PTPRJ: variants seen among roughly 807,000 people sequenced by gnomAD.
The protein encoded by PTPRJ is protein tyrosine phosphatase receptor type J.
Under a neutral mutation model 141.3 loss-of-function variants are expected in PTPRJ, and 129 were observed. The observed-to-expected ratio is 0.91, with a 90% confidence interval of 0.79 to 1.06. The LOEUF is 1.06. Among genes scored for constraint, PTPRJ ranks in the 50% least tolerant of loss-of-function variants. The pLI, the probability that PTPRJ is intolerant of heterozygous loss-of-function variation, is 0.00. For missense variants in PTPRJ, 1,601 were observed against 1,679.7 expected (o/e 0.95, Z 0.82); for synonymous variants, 610 against 640.5 (o/e 0.95, Z 0.72).
chr11:48,057,980 C>T (rs747739117), intron 1 of PTPRJ, among the ~76,000 whole-genome samples: 24 of 151,840 alleles, frequency 1.6e-4, no homozygotes, highest in Admixed American at 3.9e-4. Context: ...GGCACGATCT[C>T]GGCTCGCTGC....
At chr11:48,034,825 A>C (rs184220097) in intron 1 of PTPRJ, among the ~76,000 whole-genome samples, 1 of 152,352 alleles carries the variant, frequency 6.6e-6, no homozygotes, top group East Asian at 1.9e-4. Flanking sequence ...ACTGAAGAAC[A>C]ATGGCGATGG....
At chr11:48,046,295 G>A (rs1204028287) in intron 1 of PTPRJ, 3 of 152,170 alleles carry the variant, frequency 2.0e-5, no homozygotes, top group African/African-American at 7.2e-5. Context: ...AGATCCTCTT[G>A]TCTCCAAATC....
intron 8 of PTPRJ, chr11:48,131,689 G>A (rs1403912938): frequency 1.9e-6 from 1 of 530,580 alleles, no homozygotes; most frequent in Non-Finnish European, 3.4e-6. Flanking sequence ...ATTGAGTAGT[G>A]GCAGCAGAGA....
intron 1 of PTPRJ, among the ~76,000 whole-genome samples, chr11:48,043,635 T>C (rs1854321613): frequency 6.6e-6 from 1 of 152,150 alleles, no homozygotes; most frequent in Non-Finnish European, 1.5e-5. Context: ...CTTTTTTTCC[T>C]TTTGTTCCTT....
intron 1 of PTPRJ, among the ~76,000 whole-genome samples, chr11:47,994,844 G>A (rs1681626): frequency 0.054 from 8,170 of 152,124 alleles, 700 homozygotes; most frequent in African/African-American, 0.18. Flanking sequence ...ATTATGGACT[G>A]GATACCACAT....
chr11:48,150,363 C>T (rs1320161006), intron 18 of PTPRJ, among the ~76,000 whole-genome samples, 180 bp downstream of exon 18: 2 of 152,140 alleles, frequency 1.3e-5, no homozygotes, highest in African/African-American at 4.8e-5. Context: ...TACTCACAGA[C>T]AATAGTGGCT....
chr11:48,007,684 A>G (rs1854660740), intron 1 of PTPRJ, among the ~76,000 whole-genome samples: 1 of 152,202 alleles, frequency 6.6e-6, no homozygotes, highest in East Asian at 1.9e-4. Flanking sequence ...GGTGTGAGCC[A>G]CTGCACCCGG....
chr11:48,139,012 A>G lies in PTPRJ; in HGVS notation c.2153-474A>G, dbSNP rs185893728. 2.7e-3 allele frequency among the ~76,000 whole-genome samples: 414 copies of G among 152,318 alleles called. 1 individual carries two copies. The highest frequency in any genetic ancestry group is 9.5e-3 in the African/African-American group (394 of 41,582). ...ACTGGGTATGGTGGTGCATGCCTGT[A>G]GTCCCAGCGACTTGGGAGGCTGACA... On this transcript the variant is annotated intron_variant, in intron 10 of 24. Transcript: ENST00000418331.
chr11:48,054,170 G>A (rs952631700), intron 1 of PTPRJ, among the ~76,000 whole-genome samples: 6 of 152,052 alleles, frequency 3.9e-5, no homozygotes, highest in African/African-American at 1.4e-4. Flanking sequence ...CTGACCTCAG[G>A]TGATTTGCCC....
At chr11:47,981,555 C>T (rs1039395805) in intron 1 of PTPRJ, among the ~76,000 whole-genome samples, 1 of 152,214 alleles carries the variant, frequency 6.6e-6, no homozygotes, top group Non-Finnish European at 1.5e-5. Context: ...GGGAAAGTTC[C>T]CAGGCCGGGG....
At chr11:48,123,482 A>G in intron 4 of PTPRJ, 131 bp from the exon 5 acceptor site, 1 of 877,292 alleles carries the variant, frequency 1.1e-6, no homozygotes, top group Non-Finnish European at 1.7e-6. Context: ...TCACATTGGG[A>G]CATCAGTGAC....
chr11:48,025,441 CT>C (rs1475068008), intron 1 of PTPRJ, among the ~76,000 whole-genome samples: 3 of 152,172 alleles, frequency 2.0e-5, no homozygotes, highest in Non-Finnish European at 4.4e-5. Flanking sequence ...GTAGGCAGGG[CT>C]GGTGTATGCC....
chr11:48,132,533 A>G (rs964972259), intron 8 of PTPRJ: 1 of 981,264 alleles, frequency 1.0e-6, no homozygotes, highest in Non-Finnish European at 1.2e-6. Flanking sequence ...TCCTTGATCT[A>G]AGATTCAAGA....
chr11:48,136,934 A>G, intron 9 of PTPRJ, 69 bp from the exon 10 acceptor site: 1 of 1,415,378 alleles, frequency 7.1e-7, no homozygotes, highest in Non-Finnish European at 9.7e-7. Flanking sequence ...ATTTTTGGAT[A>G]TAGTAAATAG....
At chr11:48,004,350 T>C (rs568236081) in intron 1 of PTPRJ, among the ~76,000 whole-genome samples, 1 of 152,304 alleles carries the variant, frequency 6.6e-6, no homozygotes, top group Non-Finnish European at 1.5e-5. Flanking sequence ...TACTTGTAAA[T>C]TGGGTTGATA....
intron 24 of PTPRJ, 25 bp downstream of exon 24, chr11:48,164,540 A>G (rs750664399): frequency 9.0e-6 from 13 of 1,444,064 alleles, no homozygotes; most frequent in Non-Finnish European, 1.2e-5. Flanking sequence ...TGTATTTGAC[A>G]TTCCACCCTT....
chr11:48,115,652 A>G (rs748027849), intron 3 of PTPRJ, among the ~76,000 whole-genome samples: 47 of 152,264 alleles, frequency 3.1e-4, no homozygotes, highest in Non-Finnish European at 1.2e-4. Flanking sequence ...TTCAGAATAC[A>G]TGAATACTGT....
chr11:48,112,184 A>T (rs145420727), intron 2 of PTPRJ, among the ~76,000 whole-genome samples: 1 of 152,304 alleles, frequency 6.6e-6, no homozygotes, highest in Non-Finnish European at 1.5e-5. Flanking sequence ...CACTTGCTAG[A>T]AGTCAGACAG....
chr11:48,164,516 G>T lies in PTPRJ; in HGVS notation c.3855+1G>T. 6.2e-7 allele frequency: 1 copy of T among 1,608,978 alleles called. No individual in the cohort carries two copies. The highest frequency in any genetic ancestry group is 8.5e-7 in the Non-Finnish European group (1 of 1,177,780). On this transcript the variant is annotated splice_donor_variant, in intron 24 of 24. Transcript: ENST00000418331. LOFTEE classifies it high-confidence loss of function. The stretch of plus-strand genomic sequence containing the variant: ...TAGGCCTTTAATGGTGCAGACAGAG[G>T]TGAGGCCAAGATCTGTATTTGACAT...
Sources: gnomAD v4.1 joint callset for allele counts (sites outside exome capture counted in the v4.1 genomes callset) on GRCh38, gnomAD v4.1.1 for gene constraint, MANE v1.5 for transcripts, NCBI Gene and HGNC (gene_info 2026-07-23, HGNC 2026-07-21) for gene names.